ATP8B1: variants seen among roughly 807,000 people sequenced by gnomAD.
ATP8B1 encodes the protein ATPase phospholipid transporting 8B1.
ATP8B1 carries 80 observed loss-of-function variants against 149.9 expected under a neutral mutation model. The observed-to-expected ratio is 0.53, with a 90% CI of 0.45 to 0.64. The LOEUF (loss-of-function observed/expected upper bound fraction) is 0.64, where lower values mean the gene tolerates loss of function less well. ATP8B1 is among the 30% of genes least tolerant of loss of function. The pLI, the probability that ATP8B1 is intolerant of heterozygous loss-of-function variation, is 0.00. For synonymous variants in ATP8B1, 536 were observed against 562.8 expected, an observed-to-expected ratio of 0.95 and a Z score of 0.67; for missense variants, 1,247 against 1,552.6, an observed-to-expected ratio of 0.80 and a Z score of 3.31.
chr18:57,753,207 G>A (rs2080039720), intron 1 of ATP8B1, among the ~76,000 whole-genome samples: 1 of 152,180 alleles, frequency 6.6e-6, no homozygotes, highest in Admixed American at 6.5e-5. Context: ...TTTCCTCAAA[G>A]TATACTCAGC....
At position 57,723,830 on chromosome 18, in the gene ATP8B1, C is replaced by T. The variant is rs11876984; in HGVS notation, c.181+7797G>A. Among the ~76,000 whole-genome samples, 277 of 149,596 alleles carry T rather than the reference C, an allele frequency of 1.9e-3. 1 individual carries two copies. Among genetic ancestry groups the T allele is most frequent in the African/African-American group, 6.5e-3 (261 of 40,278 alleles). ...CAAAAGAACAAAGCTGGAGGCATCA[C>T]ACTACCTGACTTCAAACTATACTAC... On this transcript the variant is annotated intron_variant, in intron 2 of 27. Transcript: ENST00000648908.
intron 1 of ATP8B1, among the ~76,000 whole-genome samples, chr18:57,736,065 C>T (rs977001824): frequency 7.5e-6 from 1 of 133,690 alleles, no homozygotes; most frequent in Non-Finnish European, 1.5e-5. Flanking sequence ...TGAGTGAGAA[C>T]ATGTGGTGTT....
Position 57,790,383 on chromosome 18 carries a change from T to C in ATP8B1, c.-26+12615A>G, listed in dbSNP as rs1349988429. On this transcript the variant is annotated intron_variant, in intron 1 of 27. Coordinates refer to ENST00000648908, the MANE Select transcript of ATP8B1 (RefSeq NM_001374385.1). ...TTATCAAACAAAACCAGGAATCAAA[T>C]CACATCACGCCGCTGCTTAAAAATG... Among the ~76,000 whole-genome samples, 4 of 136,658 alleles carry C rather than the reference T, an allele frequency of 2.9e-5. No homozygotes were observed. In the East Asian group the frequency reaches 9.6e-4, roughly 33 times the overall value. The allele number at this position is 136,658 out of a possible 152,430, so 89.7% of individuals were successfully genotyped here.
In ATP8B1 at chr18:57,674,241, CAA is replaced by C. The variant is rs745500180; in HGVS notation, c.1819+591_1819+592del. ...TGGGTGACGGAGCAAGACTCCATCTCAAAAAAAAAAAAAAAAAGAAAAGAAAA... is the reference window on the plus strand; with the variant it reads ...TGGGTGACGGAGCAAGACTCCATCTCAAAAAAAAAAAAAAAGAAAAGAAAA... On this transcript the variant is annotated intron_variant, in intron 16 of 27. Coordinates refer to ENST00000648908, the MANE Select transcript of ATP8B1 (RefSeq NM_001374385.1). Among the ~76,000 whole-genome samples the C allele has an allele frequency of 1.6e-4, 13 of 82,614 alleles. No homozygotes were observed. The South Asian group carries it at 2.1e-3, about 13-fold the overall frequency. The allele number at this position is 82,614 out of a possible 152,430, so 54.2% of individuals were successfully genotyped here. A position where few individuals can be genotyped will look rare whatever the true frequency, so the allele number is the denominator to read the frequency against.
At chr18:57,710,597 A>G (rs963915465) in intron 2 of ATP8B1, among the ~76,000 whole-genome samples, 2 of 152,182 alleles carry the variant, frequency 1.3e-5, no homozygotes, top group African/African-American at 4.8e-5. Flanking sequence ...AAAAAAAACC[A>G]TAGAAACAAT....
At chr18:57,651,630 TG>T (rs1249901791) in intron 26 of ATP8B1, among the ~76,000 whole-genome samples, 4 of 151,860 alleles carry the variant, frequency 2.6e-5, no homozygotes, top group African/African-American at 4.8e-5. Context: ...TGTTGTGCTT[TG>T]TTTTTTTTGT....
chr18:57,789,657 C>T (rs114499834), intron 1 of ATP8B1, among the ~76,000 whole-genome samples: 2,063 of 152,266 alleles, frequency 0.014, 46 homozygotes, highest in African/African-American at 0.047. Context: ...CATCTGAGAA[C>T]GTTTTGAGCC....
At chr18:57,717,184 GGAAGTTTATAGCTATACGT>G (rs1568209411) in intron 2 of ATP8B1, among the ~76,000 whole-genome samples, 1 of 151,938 alleles carries the variant, frequency 6.6e-6, no homozygotes, top group Non-Finnish European at 1.5e-5. Context: ...GTACTAGGAG[GGAAGTTTATAGCTATACGT>G]GCCTACATCA....
intron 20 of ATP8B1, among the ~76,000 whole-genome samples, chr18:57,666,057 C>G (rs1910836136): frequency 6.6e-6 from 1 of 152,194 alleles, no homozygotes; most frequent in Non-Finnish European, 1.5e-5. Context: ...TATTGACCAT[C>G]AATTCCCTCA....
chr18:57,772,922 CATGA>C (rs1350968300), intron 1 of ATP8B1, among the ~76,000 whole-genome samples: 1 of 152,126 alleles, frequency 6.6e-6, no homozygotes, highest in Non-Finnish European at 1.5e-5. Flanking sequence ...GCCTCAACAA[CATGA>C]ACTGTTTTAA....
At chr18:57,685,398 AC>A (rs1912185520) in intron 13 of ATP8B1, among the ~76,000 whole-genome samples, 1 of 152,146 alleles carries the variant, frequency 6.6e-6, no homozygotes, top group African/African-American at 2.4e-5. Flanking sequence ...TATGTGAGCC[AC>A]GTCCTCAGCC....
At chr18:57,748,503 C>T (rs1162659823) in intron 1 of ATP8B1, among the ~76,000 whole-genome samples, 3 of 152,212 alleles carry the variant, frequency 2.0e-5, no homozygotes, top group Non-Finnish European at 2.9e-5. Flanking sequence ...CTTTAAGCTG[C>T]TCTGTGTGTG....
chr18:57,737,820 G>C (rs1265816073), intron 1 of ATP8B1: 1 of 152,236 alleles, frequency 6.6e-6, no homozygotes. Context: ...AGCAAGCACG[G>C]AGGAATGGAT....
chr18:57,714,587 G>T (rs918971692), intron 2 of ATP8B1, among the ~76,000 whole-genome samples: 1 of 135,230 alleles, frequency 7.4e-6, no homozygotes, highest in South Asian at 2.5e-4. Context: ...GGGAGAGGAG[G>T]GAGGGGGGAA....
intron 1 of ATP8B1, among the ~76,000 whole-genome samples, chr18:57,778,282 G>T (rs1316974332): frequency 6.8e-6 from 1 of 147,402 alleles, no homozygotes; most frequent in African/African-American, 2.5e-5. Context: ...CTGGAGTGCA[G>T]TGGTGCGATC....
chr18:57,684,181 A>G lies in ATP8B1; in HGVS notation c.1485T>C (p.Phe495=), dbSNP rs377614965. The change falls in exon 15 of 28, where the codon TTT becomes TTC. Residue 495 remains phenylalanine (F), a synonymous_variant. Transcript: ENST00000648908. The stretch of plus-strand genomic sequence containing the variant: ...TCCCATCAGCATATGTATTCCAGCT[A>G]AAATCAACTTGCTGAAAGAAATGGA... The part of the protein sequence containing the change: ...HNHNKIEQVD[F]SWNTYADGKL... 1.2e-6 allele frequency: 2 copies of G among 1,613,820 alleles called. No individual in the cohort carries two copies. The highest frequency in any genetic ancestry group is 2.7e-5 in the African/African-American group (2 of 74,926).
At chr18:57,690,774 T>C (rs527808181) in intron 12 of ATP8B1, among the ~76,000 whole-genome samples, 1 of 152,314 alleles carries the variant, frequency 6.6e-6, no homozygotes, top group Admixed American at 6.5e-5. Flanking sequence ...GGGCTATTCT[T>C]TATCAGAACT....
At chr18:57,800,310 C>G (rs1953206525) in intron 1 of ATP8B1, among the ~76,000 whole-genome samples, 3 of 152,104 alleles carry the variant, frequency 2.0e-5, no homozygotes, top group African/African-American at 7.2e-5. Context: ...GCCTGGGCAA[C>G]ATAACAAGGC....
At chr18:57,657,237 T>C (rs1386202097) in intron 22 of ATP8B1, among the ~76,000 whole-genome samples, 1 of 150,668 alleles carries the variant, frequency 6.6e-6, no homozygotes, top group Non-Finnish European at 1.5e-5. Flanking sequence ...CTCTGGGACC[T>C]TAAGACATTT....
Sources: allele counts gnomAD v4.1 joint callset (sites outside exome capture counted in the v4.1 genomes callset), GRCh38; gene constraint gnomAD v4.1.1; transcripts MANE v1.5; gene names NCBI Gene and HGNC (gene_info 2026-07-23, HGNC 2026-07-21).